TNFSF13B: variants seen among roughly 807,000 people sequenced by gnomAD.
TNFSF13B encodes TNF superfamily member 13b, also known as tumor necrosis factor ligand superfamily member 13B.
In TNFSF13B, 8 loss-of-function variants were observed where a neutral mutation model predicts 29.1. That is an observed-to-expected ratio of 0.27 (90% CI 0.16 to 0.50). The LOEUF is 0.50. TNFSF13B is among the 20% of genes least tolerant of loss of function. TNFSF13B has a pLI of 0.98. For missense variants in TNFSF13B, 248 were observed against 334.9 expected (o/e 0.74, Z 2.03); for synonymous variants, 125 against 130.8 (o/e 0.96, Z 0.30).
intron 2 of TNFSF13B, among the ~76,000 whole-genome samples, chr13:108,278,003 C>T (rs1048448052): frequency 6.6e-6 from 1 of 152,154 alleles, no homozygotes; most frequent in Non-Finnish European, 1.5e-5. Context: ...GATGGAGGTT[C>T]TCTGGTTCAC....
chr13:108,301,003 A>G (rs1881607459), intron 3 of TNFSF13B, among the ~76,000 whole-genome samples: 1 of 152,204 alleles, frequency 6.6e-6, no homozygotes, highest in Admixed American at 6.5e-5. Flanking sequence ...TTTACAATGT[A>G]ATTTGCTTGG....
chr13:108,273,530 T>C (rs1364648344), intron 2 of TNFSF13B, among the ~76,000 whole-genome samples: 1 of 152,192 alleles, frequency 6.6e-6, no homozygotes, highest in Non-Finnish European at 1.5e-5. Context: ...CATCACTGCA[T>C]AAAATTAACT....
intron 3 of TNFSF13B, chr13:108,302,935 C>G (rs1164541472): frequency 3.8e-6 from 3 of 782,084 alleles, no homozygotes; most frequent in Middle Eastern, 5.9e-4. Context: ...TTGCTTCAAA[C>G]TCTCTTATCC....
At chr13:108,280,600 C>T (rs1230719697) in intron 2 of TNFSF13B, among the ~76,000 whole-genome samples, 1 of 151,944 alleles carries the variant, frequency 6.6e-6, no homozygotes, top group Non-Finnish European at 1.5e-5. Flanking sequence ...AATATTCTAA[C>T]ATAATTCAGT....
At chr13:108,271,311 A>G (rs955341938) in intron 2 of TNFSF13B, among the ~76,000 whole-genome samples, 3 of 152,130 alleles carry the variant, frequency 2.0e-5, no homozygotes, top group African/African-American at 7.2e-5. Flanking sequence ...GCATTTTCAA[A>G]CATACTATTT....
At chr13:108,303,226 C>T in intron 3 of TNFSF13B, 27 bp from the exon 4 acceptor site, 2 of 1,513,656 alleles carry the variant, frequency 1.3e-6, no homozygotes, top group East Asian at 2.3e-5. Flanking sequence ...TGGTTTCTTT[C>T]CTTATAAATG....
At position 108,269,768 on chromosome 13, in the gene TNFSF13B, C is replaced by T. The variant is rs540178902; in HGVS notation, c.-128C>T. The T allele has an allele frequency of 2.9e-4, 248 of 861,662 alleles. 4 individuals are homozygous for T. The South Asian group carries it at 4.0e-3, about 14-fold the overall frequency. The allele number at this position is 861,662 out of a possible 1,614,324, so 53.4% of individuals were successfully genotyped here. ...AAGGAGAAAATTCAGGATAACTCTC[C>T]TGAGGGGTGAGCCAAGCCCTGCCAT... is the stretch of plus-strand genomic sequence containing the variant. On this transcript the variant is annotated 5_prime_UTR_variant, in exon 1 of 6. Transcript: ENST00000375887.
chr13:108,276,125 AGTTC>A (rs1880756693), intron 2 of TNFSF13B, among the ~76,000 whole-genome samples: 1 of 152,190 alleles, frequency 6.6e-6, no homozygotes, highest in African/African-American at 2.4e-5. Flanking sequence ...CTTAGCTGTG[AGTTC>A]CAGGCTGTAA....
Position 108,303,604 on chromosome 13 carries a change from G to A in TNFSF13B, c.745G>A (p.Gly249Ser), listed in dbSNP as rs1457296072. The A allele has an allele frequency of 6.2e-7, 1 of 1,610,318 alleles. No homozygotes were observed. The highest frequency in any genetic ancestry group is 8.5e-7 in the Non-Finnish European group (1 of 1,178,536). Residue 249 changes from glycine (G) to serine (S), a missense_variant and splice_region_variant, in exon 5 of 6, where the codon GGC becomes AGC. This residue lies in a region of TNFSF13B where 62 missense variants were observed against 138.6 expected (regional missense o/e 0.45). Coordinates refer to ENST00000375887, the MANE Select transcript of TNFSF13B (RefSeq NM_006573.5). ...ACCCAATAATTCCTGCTATTCAGCT[G>A]GTAAATATTAGTTCTCACACCCTGC... ...TLPNNSCYSA[G>S]IAKLEEGDEL...
intron 2 of TNFSF13B, among the ~76,000 whole-genome samples, chr13:108,286,318 ACTGT>A (rs1881127863): frequency 6.6e-6 from 1 of 151,640 alleles, no homozygotes; most frequent in African/African-American, 2.4e-5. Context: ...GTCTTGGTAC[ACTGT>A]CTGCACTTAA....
chr13:108,284,930 T>C (rs1881080125), intron 2 of TNFSF13B, among the ~76,000 whole-genome samples: 1 of 152,238 alleles, frequency 6.6e-6, no homozygotes, highest in African/African-American at 2.4e-5. Context: ...GTTATTCCTT[T>C]CTTTCATGCT....
chr13:108,288,552 G>A (rs1881208529), intron 3 of TNFSF13B, among the ~76,000 whole-genome samples: 1 of 152,200 alleles, frequency 6.6e-6, no homozygotes, highest in African/African-American at 2.4e-5. Context: ...AGTAGCTCAT[G>A]TTGTGTTTTG....
intron 2 of TNFSF13B, among the ~76,000 whole-genome samples, chr13:108,283,547 AC>A (rs1392679283): frequency 2.6e-5 from 4 of 152,184 alleles, no homozygotes; most frequent in Non-Finnish European, 5.9e-5. Context: ...GGCTGTGGAG[AC>A]TAAAAAGGAG....
intron 2 of TNFSF13B, among the ~76,000 whole-genome samples, chr13:108,281,520 T>C (rs997810619): frequency 1.3e-5 from 2 of 152,222 alleles, no homozygotes; most frequent in South Asian, 4.1e-4. Context: ...ATCCTCACCC[T>C]ATGTCTTTTC....
rs1881151869 is a variant in TNFSF13B, at chr13:108,286,827, T to C, written c.449T>C (p.Ile150Thr). The change falls in exon 3 of 6, where the codon ATT (isoleucine) becomes ACT (threonine). Residue 150 changes from isoleucine to threonine, a missense_variant. Physicochemically the swap from Ile to Thr is moderately conservative, Grantham distance 89. Around this residue, in one of 2 missense-constraint regions of TNFSF13B, gnomAD observed 186 missense variants for 196.3 expected, o/e 0.95. Transcript: ENST00000375887. ...ETVTQDCLQL[I>T]ADSETPTIQK... ...GTCACTCAAGACTGCTTGCAACTGA[T>C]TGCAGACAGTGAAACACCAACTATA... 1 of 1,572,994 alleles carries C rather than the reference T, an allele frequency of 6.4e-7. No homozygotes were observed.
intron 3 of TNFSF13B, among the ~76,000 whole-genome samples, chr13:108,299,612 G>A (rs557445598): frequency 3.0e-4 from 46 of 151,916 alleles, no homozygotes; most frequent in Middle Eastern, 3.4e-3. Flanking sequence ...CAGAGATTTC[G>A]TTAAACATTA....
rs56005152 is a variant in TNFSF13B at position 108,285,821 on chromosome 13, A to G, written c.425-982A>G. Among the ~76,000 whole-genome samples, 1,387 of 152,348 alleles carry G rather than the reference A, an allele frequency of 9.1e-3. 8 individuals are homozygous for G. Among genetic ancestry groups the G allele is most frequent in the Non-Finnish European group, 0.016 (1,083 of 68,026 alleles). On this transcript the variant is annotated intron_variant, in intron 2 of 5. Transcript: ENST00000375887. ...TAAAATATTTGGTAGATAAAAAACT[A>G]CACTAATATTTTCTTAATCTAAAAC...
chr13:108,299,868 A>G (rs973417375), intron 3 of TNFSF13B, among the ~76,000 whole-genome samples: 1 of 152,174 alleles, frequency 6.6e-6, no homozygotes, highest in African/African-American at 2.4e-5. Flanking sequence ...TGCCAGAAAG[A>G]GATGATAAAA....
chr13:108,290,853 C>T (rs1180656003), intron 3 of TNFSF13B, among the ~76,000 whole-genome samples: 2 of 151,848 alleles, frequency 1.3e-5, no homozygotes, highest in Admixed American at 6.6e-5. Flanking sequence ...GGAAAGATCT[C>T]GTGTTCCTTC....
Sources: allele counts gnomAD v4.1 joint callset (sites outside exome capture counted in the v4.1 genomes callset), GRCh38; gene constraint gnomAD v4.1.1; regional missense constraint gnomAD v4.1.1; transcripts MANE v1.5; gene names NCBI Gene and HGNC (gene_info 2026-07-23, HGNC 2026-07-21).